Variants in SGSH observed in about 807,000 individuals in gnomAD.
The protein encoded by SGSH is heparan sulfate sulfatase.
In SGSH, 48 loss-of-function variants were observed where a neutral mutation model predicts 51.0. The ratio of observed to expected loss-of-function variants is 0.94; its 90% CI spans 0.75 to 1.20. The LOEUF is 1.20. SGSH is among the 50% of genes most tolerant of loss of function. SGSH has a pLI of 0.00. For synonymous variants in SGSH, 321 were observed against 313.4 expected, an observed-to-expected ratio of 1.02 and a Z score of -0.26; for missense variants, 662 against 717.8, an observed-to-expected ratio of 0.92 and a Z score of 0.89.
At chr17:80,202,697 G>C (rs11150849), downstream of SGSH, 503,504 of 1,068,754 alleles carry the variant, frequency 0.47, 123,067 homozygotes, top group East Asian at 0.54. Context: ...TTTGGGGCTG[G>C]ATCCCCGTCT....
At position 80,215,768 on chromosome 17, in the gene SGSH, G is replaced by C. The variant is rs192657823; in HGVS notation, c.250-630C>G. 8.5e-3 allele frequency among the ~76,000 whole-genome samples: 1,293 copies of C among 151,594 alleles called. 10 individuals are homozygous for C. The highest frequency in any genetic ancestry group is 0.045 in the Middle Eastern group (13 of 290). ...TGGGAGGTGGAGGTTGCAGTGAGCC[G>C]AGATCACACCACTGCACTCCAGCCT... On this transcript the variant is annotated intron_variant, in intron 2 of 7. Transcript: ENST00000326317.
the SGSH span, chr17:80,200,799 TG>T: frequency 6.4e-6 from 1 of 156,902 alleles, no homozygotes; most frequent in Non-Finnish European, 1.4e-5. Context: ...CGGTCCCATC[TG>T]GGGGTGATGG....
chr17:80,202,468 G>A (rs777542343), downstream of SGSH: 8 of 1,588,804 alleles, frequency 5.0e-6, no homozygotes, highest in South Asian at 1.1e-5. Context: ...GGCCCACAGG[G>A]AAATGGCACC....
chr17:80,202,583 C>T (rs2041044718), downstream of SGSH: 2 of 1,435,200 alleles, frequency 1.4e-6, no homozygotes, highest in Non-Finnish European at 9.1e-7. Flanking sequence ...GATGTTGTTT[C>T]TTTGTGATGG....
At chr17:80,204,443 A>G, downstream of SGSH, 1 of 1,144,096 alleles carries the variant, frequency 8.7e-7, no homozygotes, top group Non-Finnish European at 1.2e-6. Flanking sequence ...GATGCCACTC[A>G]TTTAGGCCAG....
chr17:80,205,767 C>G, downstream of SGSH: 1 of 1,149,478 alleles, frequency 8.7e-7, no homozygotes, highest in Non-Finnish European at 1.2e-6. Context: ...GTGACCTTGT[C>G]GCCGACCTCT....
In SGSH at chr17:80,209,712, C is replaced by G; in HGVS notation, c.*740G>C. 3 of 985,566 alleles carry G rather than the reference C, an allele frequency of 3.0e-6. No homozygotes were observed. Among genetic ancestry groups the G allele is most frequent in the Non-Finnish European group, 3.6e-6 (3 of 830,102 alleles). The allele number at this position is 985,566 out of a possible 1,614,324, so 61.1% of individuals were successfully genotyped here. A position where few individuals can be genotyped will look rare whatever the true frequency, so the allele number is the denominator to read the frequency against. On this transcript the variant is annotated 3_prime_UTR_variant, in exon 8 of 8. Transcript: ENST00000326317. ...AATGCCAGTGTCACCGAAGAATTAA[C>G]CCAAGCCAGAGGACGGGCATCGCCA...
chr17:80,219,401 G>A (rs763453177), intron 1 of SGSH, among the ~76,000 whole-genome samples: 1 of 152,194 alleles, frequency 6.6e-6, no homozygotes, highest in Non-Finnish European at 1.5e-5. Flanking sequence ...GCTAAGAAAG[G>A]CCCTAGCCCA....
chr17:80,204,768 T>C, downstream of SGSH: 2 of 461,674 alleles, frequency 4.3e-6, no homozygotes, highest in East Asian at 3.4e-5. Context: ...CATCCTCCCT[T>C]GGGCCTATAG....
chr17:80,214,753 T>C lies in SGSH; in HGVS notation c.368A>G (p.Lys123Arg), dbSNP rs1346227105. Reference protein sequence around the residue: ...QAGVRTGIIGKKHVGPETVYP... With the variant: ...QAGVRTGIIGRKHVGPETVYP... The stretch of plus-strand genomic sequence containing the variant: ...CACGGTCTCCGGCCCCACGTGCTTC[T>C]TCCCGATGATGCCTGGGCGGGAAGA... Residue 123 changes from lysine (K) to arginine (R), a missense_variant, in exon 4 of 8, where the codon AAG becomes AGG. Coordinates refer to ENST00000326317, the MANE Select transcript of SGSH (RefSeq NM_000199.5). 6.2e-7 allele frequency: 1 copy of C among 1,612,152 alleles called. No individual in the cohort carries two copies. The highest frequency in any genetic ancestry group is 1.7e-5 in the Admixed American group (1 of 60,026).
chr17:80,202,182 T>C (rs2041016309), downstream of SGSH: 1 of 1,612,890 alleles, frequency 6.2e-7, no homozygotes, highest in Non-Finnish European at 8.5e-7. Context: ...TTTATCAGGT[T>C]ATAAGAGGCT....
At chr17:80,206,898 C>A, downstream of SGSH, 1 of 1,113,792 alleles carries the variant, frequency 9.0e-7, no homozygotes, top group Non-Finnish European at 1.3e-6. Flanking sequence ...CCCTTCTGAC[C>A]TGGGCGTTGG....
chr17:80,202,004 C>A, downstream of SGSH: 1 of 1,323,080 alleles, frequency 7.6e-7, no homozygotes, highest in Non-Finnish European at 1.0e-6. Flanking sequence ...GGCTGTGCCC[C>A]AGGTCCCCAG....
downstream of SGSH, chr17:80,206,882 G>A (rs1315315708): frequency 1.8e-5 from 15 of 830,130 alleles, 1 homozygote; most frequent in East Asian, 2.6e-4. Context: ...CAGCCTGTCC[G>A]GAGGGCCCTT....
At position 80,212,121 on chromosome 17, in the gene SGSH, T is replaced by G. The variant is rs2041691608; in HGVS notation, c.899A>C (p.Glu300Ala). The G allele has an allele frequency of 1.2e-6, 2 of 1,613,482 alleles. No homozygotes were observed. The highest frequency in any genetic ancestry group is 1.7e-6 in the Non-Finnish European group (2 of 1,180,040). Residue 300 changes from glutamate to alanine, a missense_variant, in exon 7 of 8, where the codon GAG becomes GCG. Coordinates refer to ENST00000326317, the MANE Select transcript of SGSH (RefSeq NM_000199.5). This position sits in a 1 kb window ranked among gnomAD's most constrained non-coding sequence, Gnocchi z 5.9. ...TAEPLLVSSP[E>A]HPKRWGQVSE... ...GACTTGGCCCCAGCGTTTTGGGTGC[T>G]CCGGGGATGACACCAGTAAGGGTTC... is the stretch of plus-strand genomic sequence containing the variant.
downstream of SGSH, chr17:80,202,794 A>T (rs1278037275): frequency 3.8e-6 from 1 of 262,536 alleles, no homozygotes; most frequent in African/African-American, 2.2e-5. Context: ...CCCATGCCCC[A>T]GCTGTGACAA....
downstream of SGSH, chr17:80,204,979 A>G (rs1226162702): frequency 7.0e-7 from 1 of 1,437,272 alleles, no homozygotes; most frequent in Admixed American, 2.3e-5. Flanking sequence ...GGGGCAGGGT[A>G]GGCTGGCTGG....
At chr17:80,203,269 C>CA (rs5822329), downstream of SGSH, 2,845 of 109,590 alleles carry the variant, frequency 0.026, 27 homozygotes, top group Middle Eastern at 0.073. This position sits in a 1 kb window ranked among gnomAD's most constrained non-coding sequence, Gnocchi z 4.6. Context: ...GACTCTGTCT[C>CA]AAAAAAAAAA....
downstream of SGSH, chr17:80,203,998 A>AGGAGGAG: frequency 1.1e-6 from 1 of 919,798 alleles, no homozygotes; most frequent in Non-Finnish European, 1.7e-6. The surrounding 1 kb of genome is among the most constrained non-coding windows in gnomAD (Gnocchi z 4.6). Flanking sequence ...ATTGGAGGGT[A>AGGAGGAG]ACCCCACCTG....
Sources: allele counts gnomAD v4.1 joint callset (sites outside exome capture counted in the v4.1 genomes callset), GRCh38; gene constraint gnomAD v4.1.1; non-coding constraint Gnocchi (gnomAD v3.1); transcripts MANE v1.5; gene names NCBI Gene and HGNC (gene_info 2026-07-23, HGNC 2026-07-21).